AIG1: variants seen among roughly 807,000 people sequenced by gnomAD.
AIG1 encodes androgen-induced gene 1 protein.
A neutral mutation model predicts 31.4 loss-of-function variants in AIG1; 23 were observed. That is an observed-to-expected ratio of 0.73 (90% CI 0.53 to 1.04). AIG1 has a LOEUF of 1.04. AIG1 is among the 50% of genes least tolerant of loss of function. The pLI is 0.00. For missense variants in AIG1, 274 were observed against 295.0 expected (o/e 0.93, Z 0.52); for synonymous variants, 100 against 110.5 (o/e 0.90, Z 0.60).
chr6:143,226,985 CTTT>C (rs11431811), intron 3 of AIG1, among the ~76,000 whole-genome samples: 7 of 113,590 alleles, frequency 6.2e-5, no homozygotes, highest in Admixed American at 8.8e-5. Context: ...GAGTTTTTGT[CTTT>C]TTTTTTTTTT....
At chr6:143,233,590 A>AG (rs1011517578) in intron 3 of AIG1, among the ~76,000 whole-genome samples, 1 of 148,298 alleles carries the variant, frequency 6.7e-6, no homozygotes, top group Admixed American at 6.7e-5. Flanking sequence ...AAAAAAAAAA[A>AG]AGAAAAGAAA....
rs185492544 is a variant in AIG1 at position 143,152,165 on chromosome 6, A to G, written c.298-12917A>G. ...CCCAAGGCATCAAATAGAGGCATTG[A>G]CACATAGTCATCTAACATAGGATGC... On this transcript the variant is annotated intron_variant, in intron 2 of 5. Transcript: ENST00000357847. 2.2e-3 allele frequency among the ~76,000 whole-genome samples: 329 copies of G among 152,310 alleles called. 2 individuals carry two copies. Among genetic ancestry groups the G allele is most frequent in the Admixed American group, 5.9e-3 (90 of 15,300 alleles).
chr6:143,162,355 A>G (rs1419267932), intron 2 of AIG1, among the ~76,000 whole-genome samples: 2 of 152,260 alleles, frequency 1.3e-5, no homozygotes, highest in African/African-American at 2.4e-5. Flanking sequence ...AACAGTCACC[A>G]TGAGAATTCT....
At position 143,235,267 on chromosome 6, in the gene AIG1, G is replaced by GT. The variant is rs933674225; in HGVS notation, c.400-48833dup. 2.1e-3 allele frequency among the ~76,000 whole-genome samples: 309 copies of GT among 150,136 alleles called. 2 individuals are homozygous for GT. Among genetic ancestry groups the GT allele is most frequent in the African/African-American group, 7.0e-3 (286 of 41,018 alleles). On this transcript the variant is annotated intron_variant, in intron 3 of 5. Transcript: ENST00000357847. ...GCTTTGAGGACTTTATTCCATGCAA[G>GT]TTTTTTTTTTCCTAAATAGAATTTA...
In AIG1 at chr6:143,117,506, C is replaced by T. The variant is rs73777877; in HGVS notation, c.142-19329C>T. Among the ~76,000 whole-genome samples, 445 of 152,048 alleles carry T rather than the reference C, an allele frequency of 2.9e-3. 5 individuals carry two copies. Among genetic ancestry groups the T allele is most frequent in the African/African-American group, 0.01 (430 of 41,470 alleles). ...TGAGTTACTATGAAGCCTGAGTGGC[C>T]ATCCATTGAGATGAGGATGACGGTG... On this transcript the variant is annotated intron_variant, in intron 1 of 5. Transcript: ENST00000357847.
chr6:143,271,729 C>T (rs1004505818), intron 3 of AIG1, among the ~76,000 whole-genome samples: 36 of 152,192 alleles, frequency 2.4e-4, no homozygotes, highest in African/African-American at 6.3e-4. Context: ...TGTGAATACG[C>T]GGCTTAAATT....
Position 143,327,519 on chromosome 6 carries a change from C to T in AIG1, c.516-5763C>T. 1 of 388,732 alleles carries T rather than the reference C, an allele frequency of 2.6e-6. No homozygotes were observed. Among genetic ancestry groups the T allele is most frequent in the East Asian group, 7.1e-5 (1 of 14,052 alleles). The allele number at this position is 388,732 out of a possible 1,614,324, so 24.1% of individuals were successfully genotyped here. On this transcript the variant is annotated intron_variant, in intron 4 of 5. Transcript: ENST00000357847. This position sits in a 1 kb window ranked among gnomAD's most constrained non-coding sequence, Gnocchi z 5.3. ...TGGGCCAAAGGAATAAGGAATGTCC[C>T]ATACTGTAACCATGTGTGGTTGTCC... is the stretch of plus-strand genomic sequence containing the variant.
At chr6:143,161,744 T>C (rs1206882108) in intron 2 of AIG1, among the ~76,000 whole-genome samples, 2 of 152,108 alleles carry the variant, frequency 1.3e-5, no homozygotes, top group Non-Finnish European at 2.9e-5. Flanking sequence ...TCAGCACTTA[T>C]TCTTTGTGTA....
Position 143,297,277 on chromosome 6 carries a change from C to T in AIG1, c.515+13052C>T, listed in dbSNP as rs1197431095. On this transcript the variant is annotated intron_variant, in intron 4 of 5. Coordinates refer to ENST00000357847, the MANE Select transcript of AIG1 (RefSeq NM_016108.4). This position sits in a 1 kb window ranked among gnomAD's most constrained non-coding sequence, Gnocchi z 5.1. ...GGCCTAGAAGCAACGGAGAGGAAAC[C>T]ATAGTCAGGGAGCCAAAGCAGTTCA... is the stretch of plus-strand genomic sequence containing the variant. 6.6e-6 allele frequency among the ~76,000 whole-genome samples: 1 copy of T among 152,140 alleles called. No individual in the cohort carries two copies. The highest frequency in any genetic ancestry group is 1.5e-5 in the Non-Finnish European group (1 of 68,020).
intron 3 of AIG1, among the ~76,000 whole-genome samples, chr6:143,243,223 G>A (rs1794375406): frequency 6.6e-6 from 1 of 152,212 alleles, no homozygotes; most frequent in African/African-American, 2.4e-5. Context: ...AGCTGGGTAT[G>A]TAGGTGCTAA....
chr6:143,219,097 A>ATT lies in AIG1; in HGVS notation c.399+53915_399+53916insTT, dbSNP rs199510977. ...AACTCATTAGAGCATCAGAACTCAGATACACACTTATATGAAAGGGAACAC... is the reference window on the plus strand; with the variant it reads ...AACTCATTAGAGCATCAGAACTCAGATTTACACACTTATATGAAAGGGAACAC... On this transcript the variant is annotated intron_variant, in intron 3 of 5. Coordinates refer to ENST00000357847, the MANE Select transcript of AIG1 (RefSeq NM_016108.4). 6.1e-3 allele frequency among the ~76,000 whole-genome samples: 937 copies of ATT among 152,372 alleles called. 5 individuals are homozygous for ATT. Among genetic ancestry groups the ATT allele is most frequent in the African/African-American group, 0.021 (884 of 41,592 alleles).
At chr6:143,135,591 A>C (rs919256276) in intron 1 of AIG1, among the ~76,000 whole-genome samples, 3 of 152,180 alleles carry the variant, frequency 2.0e-5, no homozygotes, top group African/African-American at 7.2e-5. Flanking sequence ...TTATGAGGAA[A>C]CAGAACATTA....
At chr6:143,335,530 CAAA>C (rs35780151) in intron 5 of AIG1, 2,635 of 110,084 alleles carry the variant, frequency 0.024, 31 homozygotes, top group African/African-American at 0.032. Context: ...GACTCCATCT[CAAA>C]AAAAAAAAAA....
chr6:143,274,696 A>G (rs149918177), intron 3 of AIG1, among the ~76,000 whole-genome samples: 5 of 143,918 alleles, frequency 3.5e-5, no homozygotes, highest in Middle Eastern at 3.6e-3. Flanking sequence ...ATGAATGAAC[A>G]AACGAGCATG....
intron 1 of AIG1, among the ~76,000 whole-genome samples, chr6:143,086,404 C>CCT (rs1292471203): frequency 4.6e-5 from 7 of 151,642 alleles, no homozygotes; most frequent in Middle Eastern, 3.4e-3. Context: ...CTCTCTTTCC[C>CCT]CTCTCTCTCT....
Position 143,335,945 on chromosome 6 carries a change from G to GAAA in AIG1, c.679+2514_679+2516dup, listed in dbSNP as rs11298199. On this transcript the variant is annotated intron_variant, in intron 5 of 5. Transcript: ENST00000357847. ...CCTGAGCCACAGAGTGAAACTCTCA[G>GAAA]AAAAAAAAAAAAAAAACAGAAAGAA... Among the ~76,000 whole-genome samples, 333 of 126,834 alleles carry GAAA rather than the reference G, an allele frequency of 2.6e-3. 1 individual carries two copies. Among genetic ancestry groups the GAAA allele is most frequent in the African/African-American group, 9.0e-3 (315 of 34,972 alleles). 83.2% of individuals were successfully genotyped at this position (126,834 alleles called of 152,430 possible).
At position 143,319,825 on chromosome 6, in the gene AIG1, C is replaced by T. The variant is rs140298149; in HGVS notation, c.516-13457C>T. Among the ~76,000 whole-genome samples, 703 of 151,718 alleles carry T rather than the reference C, an allele frequency of 4.6e-3. 3 individuals are homozygous for T. Among genetic ancestry groups the T allele is most frequent in the Non-Finnish European group, 7.7e-3 (520 of 67,904 alleles). On this transcript the variant is annotated intron_variant, in intron 4 of 5. Transcript: ENST00000357847. ...AAAGATTTTAAGGGATTATTATGAA[C>T]GATTATATGCCAAAAAACAGGCAAC...
chr6:143,153,490 G>C (rs1785439962), intron 2 of AIG1, among the ~76,000 whole-genome samples: 1 of 152,180 alleles, frequency 6.6e-6, no homozygotes, highest in Admixed American at 6.5e-5. Flanking sequence ...TGGGACTACA[G>C]GTGCCTGCCA....
At chr6:143,072,577 A>C (rs1363518721) in intron 1 of AIG1, among the ~76,000 whole-genome samples, 2 of 149,578 alleles carry the variant, frequency 1.3e-5, no homozygotes, top group African/African-American at 4.9e-5. Flanking sequence ...TTAGATATAG[A>C]TTTTTTTTTT....
Sources: allele counts gnomAD v4.1 joint callset (sites outside exome capture counted in the v4.1 genomes callset), GRCh38; gene constraint gnomAD v4.1.1; non-coding constraint Gnocchi (gnomAD v3.1); transcripts MANE v1.5; gene names NCBI Gene and HGNC (gene_info 2026-07-23, HGNC 2026-07-21).